The following SGCA variants were observed in gnomAD, a reference collection of about 807,000 sequenced individuals.
SGCA encodes sarcoglycan alpha.
In SGCA, 34 loss-of-function variants were observed where a neutral mutation model predicts 38.1. The ratio of observed to expected loss-of-function variants is 0.89; its 90% CI spans 0.68 to 1.19. The LOEUF (loss-of-function observed/expected upper bound fraction) is 1.19, where lower values mean the gene tolerates loss of function less well. Among genes scored for constraint, SGCA ranks in the 50% most tolerant of loss-of-function variants. The probability of loss-of-function intolerance (pLI) is 0.00; values close to 1 mark genes in which losing one functional copy is unlikely to be tolerated. For synonymous variants in SGCA, 209 were observed against 214.6 expected, an observed-to-expected ratio of 0.97 and a Z score of 0.23; for missense variants, 476 against 524.9, an observed-to-expected ratio of 0.91 and a Z score of 0.91.
In SGCA at chr17:50,170,634, C is replaced by T. The variant is rs1406175539; in HGVS notation, c.957-6C>T. ...TGGGCTAACCCTCTCCTTCACTTTT[C>T]CACAGGCTGAAGAGAGACCTGGCTA... On this transcript the variant is annotated splice_polypyrimidine_tract_variant and splice_region_variant and intron_variant, in intron 7 of 9. Transcript: ENST00000262018. 19 of 1,560,302 alleles carry T rather than the reference C, an allele frequency of 1.2e-5. 1 individual carries two copies. In the African/African-American group the frequency reaches 1.9e-4, roughly 16 times the overall value.
rs1356585975 is a variant in SGCA, at chr17:50,168,476, G to C, written c.488G>C (p.Gly163Ala). 28 of 1,581,488 alleles carry C rather than the reference G, an allele frequency of 1.8e-5. No homozygotes were observed. The highest frequency in any genetic ancestry group is 2.2e-5 in the Non-Finnish European group (26 of 1,163,496). ...AGCCGCTTCCTCTCAGCCTTGGGGG[G>C]ACTCTGGGAGCCCGGAGAGCTTCAG... is the stretch of plus-strand genomic sequence containing the variant. ...PASRFLSALG[G>A]LWEPGELQLL... Residue 163 changes from glycine (G) to alanine (A), a missense_variant, in exon 5 of 10, where the codon GGA becomes GCA. Coordinates refer to ENST00000262018, the MANE Select transcript of SGCA (RefSeq NM_000023.4).
chr17:50,168,111 TGGAGA>T (rs1362908406), intron 4 of SGCA, 92 bp downstream of exon 4: 1 of 1,192,876 alleles, frequency 8.4e-7, no homozygotes, highest in East Asian at 2.3e-5. Context: ...AGGAGAGGCT[TGGAGA>T]GGAGTGGAGC....
chr17:50,167,397 G>A lies in SGCA; in HGVS notation c.67G>A (p.Ala23Thr). The A allele has an allele frequency of 7.4e-6, 12 of 1,614,168 alleles. No homozygotes were observed. Among genetic ancestry groups the A allele is most frequent in the Non-Finnish European group, 1.0e-5 (12 of 1,180,014 alleles). The stretch of plus-strand genomic sequence containing the variant: ...CCTGGCAGGGCTGGGGGACACCGAG[G>A]CCCAGCAGACCACGCTACACCCACT... The part of the protein sequence containing the change: ...VLLAGLGDTE[A>T]QQTTLHPLVG... Residue 23 changes from alanine (A) to threonine (T), a missense_variant, in exon 2 of 10, where the codon GCC (alanine) becomes ACC (threonine). Coordinates refer to ENST00000262018, the MANE Select transcript of SGCA (RefSeq NM_000023.4). The surrounding 1 kb of genome is among the most constrained non-coding windows in gnomAD (Gnocchi z 4.5).
At chr17:50,172,352 G>A (rs1340410853) in intron 8 of SGCA, 1 of 448,364 alleles carries the variant, frequency 2.2e-6, no homozygotes, top group Non-Finnish European at 4.5e-6. Context: ...GACCGGAGAT[G>A]CCAGATGGTG....
At chr17:50,169,378 A>G in intron 6 of SGCA, 124 bp downstream of exon 6, 1 of 741,620 alleles carries the variant, frequency 1.3e-6, no homozygotes. Flanking sequence ...TCTTTCCCTG[A>G]TGCTCTCAGT....
intron 8 of SGCA, among the ~76,000 whole-genome samples, chr17:50,173,593 G>T (rs762336548): frequency 6.6e-5 from 10 of 152,192 alleles, no homozygotes; most frequent in Non-Finnish European, 1.2e-4. Context: ...TGTGGGGCTG[G>T]GAATAAGGAG....
intron 8 of SGCA, among the ~76,000 whole-genome samples, chr17:50,174,697 G>A (rs1459205797): frequency 6.6e-6 from 1 of 152,090 alleles, no homozygotes; most frequent in African/African-American, 2.4e-5. Flanking sequence ...ACTAAGGCAT[G>A]GAGTGGTTAA....
At chr17:50,174,514 GT>G (rs200753576) in intron 8 of SGCA, among the ~76,000 whole-genome samples, 14 of 147,500 alleles carry the variant, frequency 9.5e-5, no homozygotes, top group South Asian at 2.2e-4. Context: ...GTAGGTTTTG[GT>G]TTTTTTTTTT....
rs774413738 is a variant in SGCA, at chr17:50,171,944, C to T, written c.983+1278C>T. 2.8e-4 allele frequency: 127 copies of T among 456,608 alleles called. 2 individuals carry two copies. Among genetic ancestry groups the T allele is most frequent in the South Asian group, 1.6e-3 (106 of 64,578 alleles). 28.3% of individuals were successfully genotyped at this position (456,608 alleles called of 1,614,324 possible). A position where few individuals can be genotyped will look rare whatever the true frequency, so the allele number is the denominator to read the frequency against. ...CCCAGTCGCTGTCTTGCTAGGGACA[C>T]GCTGCCCTGCTGGCCTCCACCCATG... On this transcript the variant is annotated intron_variant, in intron 8 of 9. Coordinates refer to ENST00000262018, the MANE Select transcript of SGCA (RefSeq NM_000023.4).
chr17:50,170,476 T>C, intron 7 of SGCA, 125 bp downstream of exon 7: 1 of 1,348,494 alleles, frequency 7.4e-7, no homozygotes, highest in Non-Finnish European at 1.0e-6. Flanking sequence ...ACAAAAGGAG[T>C]GTGGGGCCCC....
intron 1 of SGCA, 98 bp downstream of exon 1, chr17:50,166,175 T>C (rs1282702683): frequency 9.5e-7 from 1 of 1,057,702 alleles, no homozygotes; most frequent in Non-Finnish European, 1.5e-6. Context: ...AAGAGGGATC[T>C]GGGTTGGGTG....
At chr17:50,168,283 T>C in intron 4 of SGCA, 91 bp from the exon 5 acceptor site, 1 of 1,107,762 alleles carries the variant, frequency 9.0e-7, no homozygotes, top group Non-Finnish European at 1.3e-6. Flanking sequence ...CCTGAAGGGG[T>C]GTGCAGGGAT....
At position 50,167,486 on chromosome 17, in the gene SGCA, C is replaced by A; in HGVS notation, c.156C>A (p.Val52=). The A allele has an allele frequency of 6.2e-7, 1 of 1,614,162 alleles. No homozygotes were observed. The highest frequency in any genetic ancestry group is 1.1e-5 in the South Asian group (1 of 91,074). The change falls in exon 2 of 10, where the codon GTC becomes GTA. Residue 52 remains valine, a splice_region_variant and synonymous_variant. Coordinates refer to ENST00000262018, the MANE Select transcript of SGCA (RefSeq NM_000023.4). The surrounding 1 kb of genome is among the most constrained non-coding windows in gnomAD (Gnocchi z 4.5). The part of the protein sequence containing the change: ...HETFLSLPEH[V]AVPPAVHITY... Reference sequence around the variant, plus strand: ...CGTTTCTGAGCCTTCCTGAGCATGTCGGTGAGCGGCCTGACAGGCACCCAG... The same window carrying A: ...CGTTTCTGAGCCTTCCTGAGCATGTAGGTGAGCGGCCTGACAGGCACCCAG...
At chr17:50,166,748 C>T in intron 1 of SGCA, among the ~76,000 whole-genome samples, 1 of 131,730 alleles carries the variant, frequency 7.6e-6, no homozygotes, top group Non-Finnish European at 1.6e-5. Context: ...CTCACACACC[C>T]TCACACACCC....
rs190083296 is a variant in SGCA, at chr17:50,173,974, G to A, written c.984-1283G>A. ...CCTCCCTCATCTCATCAGTAACCAAGTGGCAAGTGGGGTCGCTTCAGCCCT... is the reference window on the plus strand; with the variant it reads ...CCTCCCTCATCTCATCAGTAACCAAATGGCAAGTGGGGTCGCTTCAGCCCT... On this transcript the variant is annotated intron_variant, in intron 8 of 9. Coordinates refer to ENST00000262018, the MANE Select transcript of SGCA (RefSeq NM_000023.4). 1.1e-3 allele frequency among the ~76,000 whole-genome samples: 161 copies of A among 152,266 alleles called. 1 individual carries two copies. The highest frequency in any genetic ancestry group is 0.01 in the Middle Eastern group (3 of 294).
At chr17:50,171,768 A>G (rs771533829) in intron 8 of SGCA, 5 of 456,630 alleles carry the variant, frequency 1.1e-5, no homozygotes, top group South Asian at 7.7e-5. Flanking sequence ...TTGAAGTGAT[A>G]GGCATTTCGG....
chr17:50,171,304 C>T (rs952190634), intron 8 of SGCA: 1 of 355,288 alleles, frequency 2.8e-6, no homozygotes, highest in African/African-American at 2.1e-5. Context: ...TCTGCCAGCC[C>T]TTTCCAAATC....
intron 8 of SGCA, among the ~76,000 whole-genome samples, chr17:50,170,985 G>A (rs1162330081): frequency 6.6e-6 from 1 of 152,184 alleles, no homozygotes; most frequent in Non-Finnish European, 1.5e-5. Context: ...AATCGCTTGA[G>A]CCTGGGAGAT....
intron 8 of SGCA, chr17:50,171,993 T>G: frequency 2.2e-6 from 1 of 456,684 alleles, no homozygotes; most frequent in Non-Finnish European, 4.4e-6. Flanking sequence ...TCAACAGCAC[T>G]GATGGAGACA....
Sources: allele counts gnomAD v4.1 joint callset (sites outside exome capture counted in the v4.1 genomes callset), GRCh38; gene constraint gnomAD v4.1.1; non-coding constraint Gnocchi (gnomAD v3.1); transcripts MANE v1.5; gene names NCBI Gene and HGNC (gene_info 2026-07-23, HGNC 2026-07-21).